HYDIN: variants seen among roughly 807,000 people sequenced by gnomAD.
The protein encoded by HYDIN is HYDIN axonemal central pair apparatus protein.
A neutral mutation model predicts 403.9 loss-of-function variants in HYDIN; 132 were observed. The observed-to-expected ratio is 0.33, with a 90% CI of 0.28 to 0.38. The LOEUF (loss-of-function observed/expected upper bound fraction) is 0.38, where lower values mean the gene tolerates loss of function less well. Among genes scored for constraint, HYDIN ranks in the 10% least tolerant of loss-of-function variants. The pLI is 1.00. For synonymous variants in HYDIN, 1,202 were observed against 1,891.7 expected, an observed-to-expected ratio of 0.64 and a Z score of 9.46; for missense variants, 2,827 against 5,009.5, an observed-to-expected ratio of 0.56 and a Z score of 13.15.
At chr16:71,085,319 T>C (rs1243319680) in intron 12 of HYDIN, among the ~76,000 whole-genome samples, 1 of 111,570 alleles carries the variant, frequency 9.0e-6, no homozygotes, top group South Asian at 3.5e-4. Context: ...GTAGTTCGTG[T>C]CTTTCTAGGA....
chr16:70,979,383 C>G (rs2078977675), intron 29 of HYDIN, among the ~76,000 whole-genome samples: 1 of 151,976 alleles, frequency 6.6e-6, no homozygotes. Context: ...ACTTAAACCC[C>G]TACACCCTGG....
chr16:71,159,773 G>GA lies in HYDIN; in HGVS notation c.716+2757dup, dbSNP rs1047830934. 1.3e-3 allele frequency among the ~76,000 whole-genome samples: 191 copies of GA among 151,200 alleles called. 1 individual carries two copies. Among genetic ancestry groups the GA allele is most frequent in the Non-Finnish European group, 2.0e-3 (134 of 67,796 alleles). On this transcript the variant is annotated intron_variant, in intron 6 of 85. Transcript: ENST00000393567. ...TGAGTGACATATTTAAAGTACTGAG[G>GA]AAAAAAATATATATATAATTGTTGG... is the stretch of plus-strand genomic sequence containing the variant.
At chr16:71,124,099 G>A (rs534683725) in intron 9 of HYDIN, among the ~76,000 whole-genome samples, 9 of 151,052 alleles carry the variant, frequency 6.0e-5, no homozygotes, top group South Asian at 2.1e-4. Context: ...ACCAGCCTCC[G>A]TCTGTTCGAT....
At chr16:71,228,556 A>C (rs1272374015) in intron 1 of HYDIN, among the ~76,000 whole-genome samples, 4 of 152,250 alleles carry the variant, frequency 2.6e-5, no homozygotes, top group Non-Finnish European at 5.9e-5. Flanking sequence ...CACATGAAAA[A>C]ATGCTCATCA....
Position 70,806,789 on chromosome 16 carries a change from T to C in HYDIN, c.*791A>G, listed in dbSNP as rs2035126474. Among the ~76,000 whole-genome samples, 2 of 152,140 alleles carry C rather than the reference T, an allele frequency of 1.3e-5. No homozygotes were observed. The highest frequency in any genetic ancestry group is 2.9e-5 in the Non-Finnish European group (2 of 68,028). Reference sequence around the variant, plus strand: ...TGCTATACAAGTTAAATGTATATAATAAAGATGCCCACACCCCTCTCCAGA... The same window carrying C: ...TGCTATACAAGTTAAATGTATATAACAAAGATGCCCACACCCCTCTCCAGA... On this transcript the variant is annotated 3_prime_UTR_variant, in exon 86 of 86. Coordinates refer to ENST00000393567, the MANE Select transcript of HYDIN (RefSeq NM_001270974.2).
chr16:70,819,890 C>G (rs2143462703), intron 83 of HYDIN, among the ~76,000 whole-genome samples: 1 of 151,906 alleles, frequency 6.6e-6, no homozygotes, highest in East Asian at 1.9e-4. Context: ...TCACTGCAAG[C>G]TCTGCCTCCC....
At chr16:70,938,167 G>A (rs1267119342) in intron 44 of HYDIN, among the ~76,000 whole-genome samples, 1 of 152,244 alleles carries the variant, frequency 6.6e-6, no homozygotes, top group Non-Finnish European at 1.5e-5. Flanking sequence ...GGGGAGGAAG[G>A]GCTGAGATTT....
chr16:70,907,960 C>T (rs1040403513), intron 49 of HYDIN, among the ~76,000 whole-genome samples: 1 of 152,102 alleles, frequency 6.6e-6, no homozygotes. Flanking sequence ...GATAGAACTG[C>T]TTTAAATTTG....
chr16:71,050,188 G>C (rs1002863865), intron 18 of HYDIN, among the ~76,000 whole-genome samples: 3 of 147,854 alleles, frequency 2.0e-5, no homozygotes, highest in Non-Finnish European at 4.5e-5. Flanking sequence ...GAAAATCAAG[G>C]ATAAAAACAT....
intron 41 of HYDIN, among the ~76,000 whole-genome samples, chr16:70,951,125 C>T (rs1207512458): frequency 6.6e-6 from 1 of 152,036 alleles, no homozygotes; most frequent in East Asian, 1.9e-4. Flanking sequence ...GTCCCAGCTA[C>T]TTGGGAGGCT....
intron 84 of HYDIN, among the ~76,000 whole-genome samples, chr16:70,811,745 T>C (rs1219587948): frequency 1.3e-5 from 2 of 151,898 alleles, no homozygotes; most frequent in Non-Finnish European, 2.9e-5. Flanking sequence ...TGATCTTAGC[T>C]ACTCGGGAGG....
intron 23 of HYDIN, among the ~76,000 whole-genome samples, chr16:71,006,016 GC>G: frequency 8.6e-6 from 1 of 116,424 alleles, no homozygotes; most frequent in Middle Eastern, 4.3e-3. Context: ...TTCTCAAGGA[GC>G]AAAGTAAACC....
rs113415002 is a variant in HYDIN, at chr16:71,021,347, G to A, written c.3187-1030C>T. On this transcript the variant is annotated intron_variant, in intron 21 of 85. Transcript: ENST00000393567. Reference sequence around the variant, plus strand: ...TTCTCTTGCCTCAGCCTCCCAAGTAGCTGGGATTACAGGCACGTGCCACCA... The same window carrying A: ...TTCTCTTGCCTCAGCCTCCCAAGTAACTGGGATTACAGGCACGTGCCACCA... Among the ~76,000 whole-genome samples, 36 of 151,024 alleles carry A rather than the reference G, an allele frequency of 2.4e-4. No homozygotes were observed. In the South Asian group the frequency reaches 7.3e-3, roughly 31 times the overall value.
In HYDIN at chr16:70,943,894, G is replaced by A. The variant is rs1322144271; in HGVS notation, c.6587C>T (p.Pro2196Leu). 6.2e-7 allele frequency: 1 copy of A among 1,613,692 alleles called. No individual in the cohort carries two copies. Among genetic ancestry groups the A allele is most frequent in the South Asian group, 1.1e-5 (1 of 90,996 alleles). The change falls in exon 42 of 86, where the codon CCC becomes CTC. Residue 2196 changes from proline to leucine, a missense_variant. By Grantham distance (98) the Pro-to-Leu change is moderately conservative. Transcript: ENST00000393567. ...CAGCCCGGTCTCGCCTCCGACACTG[G>A]GACTAACACTGAGCCAGCGGTGGAT... ...GPIHRWLSVSPSVGGETGLMS... is the reference protein window; with the variant it reads ...GPIHRWLSVSLSVGGETGLMS...
chr16:71,178,452 T>TAC, intron 4 of HYDIN, among the ~76,000 whole-genome samples: 1 of 146,058 alleles, frequency 6.8e-6, no homozygotes, highest in Admixed American at 6.9e-5. Context: ...TATATATATA[T>TAC]GTATATATAT....
At chr16:70,993,928 TTCTA>T (rs1173786718) in intron 23 of HYDIN, among the ~76,000 whole-genome samples, 1 of 152,196 alleles carries the variant, frequency 6.6e-6, no homozygotes, top group Admixed American at 6.5e-5. Context: ...TAAAGGAAAA[TTCTA>T]TGTCATTTAC....
chr16:70,881,568 A>G (rs1034727373), intron 60 of HYDIN, among the ~76,000 whole-genome samples: 1 of 146,124 alleles, frequency 6.8e-6, no homozygotes, highest in African/African-American at 2.7e-5. Flanking sequence ...AGATTGCGCC[A>G]CTGCACTCCA....
In HYDIN at chr16:71,064,714, G is replaced by C. The variant is rs1405203799; in HGVS notation, c.2202C>G (p.Val734=). The part of the protein sequence containing the change: ...NQDDLPGFYE[V]QPQVCEEVPT... ...GGAGAAAGGAACTCACCTGAGGCTG[G>C]ACCTCATAGAATCCTGGGAGGTCAT... The change falls in exon 16 of 86, where the codon GTC becomes GTG. Residue 734 remains valine, a synonymous_variant. Transcript: ENST00000393567. 1.9e-6 allele frequency: 3 copies of C among 1,613,810 alleles called. No homozygotes were observed. Among genetic ancestry groups the C allele is most frequent in the South Asian group, 1.1e-5 (1 of 90,982 alleles).
chr16:71,216,769 T>C (rs1347846632), intron 1 of HYDIN, among the ~76,000 whole-genome samples: 1 of 152,234 alleles, frequency 6.6e-6, no homozygotes. Flanking sequence ...CACCTAGTCC[T>C]ACCCTAGAGA....
Sources: allele counts gnomAD v4.1 joint callset (sites outside exome capture counted in the v4.1 genomes callset), GRCh38; gene constraint gnomAD v4.1.1; transcripts MANE v1.5; gene names NCBI Gene and HGNC (gene_info 2026-07-23, HGNC 2026-07-21).